SLC44A5: variants seen among roughly 807,000 people sequenced by gnomAD.
SLC44A5 encodes solute carrier family 44 member 5, also known as choline transporter-like protein 5.
A neutral mutation model predicts 101.8 loss-of-function variants in SLC44A5; 57 were observed. The observed-to-expected ratio is 0.56, with a 90% CI of 0.45 to 0.70. The LOEUF (loss-of-function observed/expected upper bound fraction) is 0.70. Ranked by LOEUF, SLC44A5 falls within the 30% of genes least tolerant of loss-of-function variation. The pLI is 0.00. For missense variants in SLC44A5, 737 were observed against 853.1 expected, an observed-to-expected ratio of 0.86 and a Z score of 1.70; for synonymous variants, 281 against 290.9, an observed-to-expected ratio of 0.97 and a Z score of 0.35.
intron 4 of SLC44A5, among the ~76,000 whole-genome samples, chr1:75,321,293 A>G (rs1012683675): frequency 6.6e-6 from 1 of 152,186 alleles, no homozygotes; most frequent in African/African-American, 2.4e-5. Flanking sequence ...TGCTATTAAC[A>G]AACACCACAG....
Position 75,219,237 on chromosome 1 carries a change from A to T in SLC44A5, c.1266+20T>A, listed in dbSNP as rs778307435. 2 of 1,515,582 alleles carry T rather than the reference A, an allele frequency of 1.3e-6. No homozygotes were observed. The highest frequency in any genetic ancestry group is 9.2e-7 in the Non-Finnish European group (1 of 1,090,542). 93.9% of individuals were successfully genotyped at this position (1,515,582 alleles called of 1,614,324 possible). ...AAGTCTATATTGAAGTAAGTAAATG[A>T]AAGAGTTTCTTGTACTTACCTCTGG... On this transcript the variant is annotated intron_variant, in intron 16 of 23. Transcript: ENST00000370859.
rs762786705 is a variant in SLC44A5 at position 75,300,644 on chromosome 1, C to T, written c.143G>A (p.Cys48Tyr). Residue 48 changes from cysteine (C) to tyrosine (Y), a missense_variant, in exon 5 of 24, where the codon TGT (cysteine) becomes TAT (tyrosine). Around this residue, in one of 3 missense-constraint regions of SLC44A5, gnomAD observed 665 missense variants for 764.4 expected, o/e 0.87. Coordinates refer to ENST00000370859, the MANE Select transcript of SLC44A5 (RefSeq NM_001130058.2). ...TCCTAAAACAATGTAGCCAATAATA[C>T]ACAGTAGGAAGATCATACAGCACAG... Reference protein sequence around the residue: ...DVLCCMIFLLCIIGYIVLGLV... With the variant: ...DVLCCMIFLLYIIGYIVLGLV... 64 of 1,606,340 alleles carry T rather than the reference C, an allele frequency of 4.0e-5. No homozygotes were observed. Among genetic ancestry groups the T allele is most frequent in the Non-Finnish European group, 5.4e-5 (63 of 1,176,516 alleles).
At chr1:75,444,483 G>GAAGAAAGAAGGAAAGAAAGAAAGA in intron 2 of SLC44A5, among the ~76,000 whole-genome samples, 1 of 140,730 alleles carries the variant, frequency 7.1e-6, no homozygotes, top group South Asian at 2.4e-4. Flanking sequence ...GAGAAAGAAA[G>GAAGAAAGAAGGAAAGAAAGAAAGA]AAGAAAGAAA....
the SLC44A5 span, among the ~76,000 whole-genome samples, chr1:75,682,349 A>C: frequency 6.6e-6 from 1 of 152,128 alleles, no homozygotes; most frequent in Non-Finnish European, 1.5e-5. Flanking sequence ...ACCTGACTTC[A>C]AACTATACTA....
chr1:75,213,937 G>A lies in SLC44A5; in HGVS notation c.1855C>T (p.Leu619=), dbSNP rs759308473. 5.6e-6 allele frequency: 9 copies of A among 1,595,370 alleles called. No homozygotes were observed. In the East Asian group the frequency reaches 1.8e-4, roughly 32 times the overall value. Residue 619 remains leucine, a synonymous_variant, in exon 21 of 24, where the codon CTA becomes TTA. Coordinates refer to ENST00000370859, the MANE Select transcript of SLC44A5 (RefSeq NM_001130058.2). ...TACTTACCTATACTTCCAGCAACTA[G>A]AAGTTTCCCCAGGAATAATACAAAG... ...TYFVLFLGKL[L]VAGSIGVLAF...
At chr1:75,403,004 A>T (rs1353528200) in intron 2 of SLC44A5, among the ~76,000 whole-genome samples, 4 of 152,122 alleles carry the variant, frequency 2.6e-5, no homozygotes, top group Non-Finnish European at 4.4e-5. Context: ...CTTGAGGTTG[A>T]TGGGGGGAGG....
At chr1:75,216,368 T>C (rs1421086507) in intron 18 of SLC44A5, among the ~76,000 whole-genome samples, 3 of 152,032 alleles carry the variant, frequency 2.0e-5, no homozygotes, top group African/African-American at 7.2e-5. Flanking sequence ...GGGTTGTTTA[T>C]ACCTTCTGGC....
the SLC44A5 span, among the ~76,000 whole-genome samples, chr1:75,661,608 A>C: frequency 6.6e-6 from 1 of 152,040 alleles, no homozygotes; most frequent in Non-Finnish European, 1.5e-5. Flanking sequence ...CAAACTATCT[A>C]TCTGACAAGA....
chr1:75,716,623 G>A, the SLC44A5 span, among the ~76,000 whole-genome samples: 1 of 152,090 alleles, frequency 6.6e-6, no homozygotes, highest in East Asian at 1.9e-4. Context: ...ACACCCAAAG[G>A]AATATACATC....
intron 1 of SLC44A5, among the ~76,000 whole-genome samples, chr1:75,564,728 T>G (rs1672701945): frequency 6.6e-6 from 1 of 152,062 alleles, no homozygotes. Flanking sequence ...CACGCCATTC[T>G]CCTGTCTAAG....
At chr1:75,273,145 G>A (rs1260049563) in intron 6 of SLC44A5, among the ~76,000 whole-genome samples, 2 of 151,974 alleles carry the variant, frequency 1.3e-5, no homozygotes, top group African/African-American at 2.4e-5. Flanking sequence ...TTTTGCAGAT[G>A]TTGTGAAAGG....
At chr1:75,407,735 T>C (rs1662972880) in intron 2 of SLC44A5, among the ~76,000 whole-genome samples, 1 of 152,182 alleles carries the variant, frequency 6.6e-6, no homozygotes, top group Non-Finnish European at 1.5e-5. Flanking sequence ...GTCTTAAATG[T>C]AATACCTAAG....
the SLC44A5 span, chr1:75,677,917 A>T: frequency 4.5e-6 from 1 of 224,708 alleles, no homozygotes; most frequent in African/African-American, 2.4e-5. Flanking sequence ...ACCGTGCACG[A>T]GCCGAAGCAG....
At chr1:75,231,096 G>T (rs1284704035) in intron 12 of SLC44A5, among the ~76,000 whole-genome samples, 1 of 152,160 alleles carries the variant, frequency 6.6e-6, no homozygotes, top group Admixed American at 6.5e-5. Flanking sequence ...ATCTAGAGGA[G>T]ATTTACATTT....
At chr1:75,296,356 GT>G (rs755157778) in intron 5 of SLC44A5, among the ~76,000 whole-genome samples, 81 of 99,368 alleles carry the variant, frequency 8.2e-4, no homozygotes, top group African/African-American at 2.7e-3. Flanking sequence ...CCTCTAGCCA[GT>G]TTTTTTTTCT....
At chr1:75,655,090 G>A in the SLC44A5 span, among the ~76,000 whole-genome samples, 1 of 152,074 alleles carries the variant, frequency 6.6e-6, no homozygotes, top group Non-Finnish European at 1.5e-5. Context: ...TGGAGTCTAA[G>A]CTCCCCCAAA....
At chr1:75,705,449 T>C in the SLC44A5 span, among the ~76,000 whole-genome samples, 1 of 152,202 alleles carries the variant, frequency 6.6e-6, no homozygotes, top group Non-Finnish European at 1.5e-5. Flanking sequence ...TGATAGTTTA[T>C]TCAGGTTTAC....
intron 1 of SLC44A5, among the ~76,000 whole-genome samples, chr1:75,588,769 A>G (rs1284975061): frequency 1.3e-5 from 2 of 152,082 alleles, no homozygotes; most frequent in Non-Finnish European, 2.9e-5. Context: ...TATTTTTTAC[A>G]TTTATTTCTT....
intron 3 of SLC44A5, among the ~76,000 whole-genome samples, chr1:75,353,223 A>G (rs748117034): frequency 6.6e-6 from 1 of 152,234 alleles, no homozygotes; most frequent in Non-Finnish European, 1.5e-5. Context: ...ATATTACTTC[A>G]AAGACTCAAG....
Sources: allele counts gnomAD v4.1 joint callset (sites outside exome capture counted in the v4.1 genomes callset), GRCh38; gene constraint gnomAD v4.1.1; regional missense constraint gnomAD v4.1.1; transcripts MANE v1.5; gene names NCBI Gene and HGNC (gene_info 2026-07-23, HGNC 2026-07-21).